Variants in CSMD3 observed in about 807,000 individuals in gnomAD.
CSMD3 encodes the protein CUB and sushi domain-containing protein 3.
A neutral mutation model predicts 435.2 loss-of-function variants in CSMD3; 177 were observed. The observed-to-expected ratio is 0.41, with a 90% CI of 0.36 to 0.46. CSMD3 has a LOEUF of 0.46. Ranked by LOEUF, CSMD3 falls within the 20% of genes least tolerant of loss-of-function variation. CSMD3 has a pLI of 0.34. For synonymous variants in CSMD3, 1,656 were observed against 1,520.5 expected (o/e 1.09, Z -2.07); for missense variants, 4,265 against 4,504.6 (o/e 0.95, Z 1.52).
intron 32 of CSMD3, among the ~76,000 whole-genome samples, chr8:112,433,150 C>A (rs1391173274): frequency 6.6e-6 from 1 of 151,968 alleles, no homozygotes; most frequent in Non-Finnish European, 1.5e-5. Flanking sequence ...GAAAGCAATG[C>A]TATCATTGTT....
chr8:112,273,010 T>C (rs964555998), intron 59 of CSMD3, among the ~76,000 whole-genome samples: 2 of 152,216 alleles, frequency 1.3e-5, no homozygotes, highest in African/African-American at 4.8e-5. Flanking sequence ...AATTATTTTA[T>C]GCAATACGAT....
At chr8:113,366,545 C>T (rs1025353846) in intron 1 of CSMD3, among the ~76,000 whole-genome samples, 10 of 151,968 alleles carry the variant, frequency 6.6e-5, no homozygotes, top group Non-Finnish European at 1.2e-4. Context: ...CTTCCAACAC[C>T]GCCAGTGATT....
chr8:112,724,081 C>T (rs1287327967), intron 13 of CSMD3, among the ~76,000 whole-genome samples: 2 of 151,624 alleles, frequency 1.3e-5, no homozygotes, highest in East Asian at 1.9e-4. Context: ...GTAATAAGTG[C>T]TATGGATGAA....
intron 31 of CSMD3, among the ~76,000 whole-genome samples, chr8:112,477,300 G>C (rs1433370675): frequency 2.6e-5 from 4 of 152,066 alleles, no homozygotes; most frequent in Non-Finnish European, 4.4e-5. Flanking sequence ...TTAAACATTA[G>C]AAATATATCC....
At chr8:112,345,834 A>T (rs1290506102) in intron 41 of CSMD3, among the ~76,000 whole-genome samples, 1 of 151,420 alleles carries the variant, frequency 6.6e-6, no homozygotes, top group Admixed American at 6.6e-5. Context: ...TACAATTTTT[A>T]TTTGTCAATT....
intron 32 of CSMD3, among the ~76,000 whole-genome samples, chr8:112,461,873 C>T (rs1406060907): frequency 6.6e-6 from 1 of 152,258 alleles, no homozygotes; most frequent in East Asian, 1.9e-4. Flanking sequence ...AATCCATGTA[C>T]TTCTGTAAGC....
intron 10 of CSMD3, among the ~76,000 whole-genome samples, chr8:112,912,483 A>G (rs2082451325): frequency 6.6e-6 from 1 of 151,928 alleles, no homozygotes; most frequent in Admixed American, 6.6e-5. Flanking sequence ...GTTTCAATTA[A>G]TGGTACTGGG....
intron 6 of CSMD3, among the ~76,000 whole-genome samples, chr8:112,992,128 G>C (rs1159929053): frequency 6.6e-6 from 1 of 151,744 alleles, no homozygotes; most frequent in South Asian, 2.1e-4. Context: ...TGAGAATAAA[G>C]AATTTAATTG....
At chr8:113,088,409 A>T in intron 5 of CSMD3, among the ~76,000 whole-genome samples, 2 of 146,476 alleles carry the variant, frequency 1.4e-5, no homozygotes, top group African/African-American at 2.6e-5. Flanking sequence ...ACACATGCAC[A>T]CGTATGTTTA....
At chr8:113,259,716 A>G (rs548885995) in intron 3 of CSMD3, among the ~76,000 whole-genome samples, 1 of 152,174 alleles carries the variant, frequency 6.6e-6, no homozygotes, top group African/African-American at 2.4e-5. Context: ...AGGGAAAGCT[A>G]TGAAAATGCT....
intron 1 of CSMD3, among the ~76,000 whole-genome samples, chr8:113,429,573 A>G (rs1221316438): frequency 1.3e-5 from 2 of 152,078 alleles, no homozygotes; most frequent in African/African-American, 2.4e-5. Context: ...TTTTCACTCC[A>G]TAATTATCTC....
chr8:112,401,743 AT>A (rs1220322988), intron 35 of CSMD3, among the ~76,000 whole-genome samples: 1 of 152,104 alleles, frequency 6.6e-6, no homozygotes, highest in Non-Finnish European at 1.5e-5. Context: ...AAATCAACAC[AT>A]TTTTCCTAAA....
chr8:113,087,406 C>A (rs1411762214), intron 5 of CSMD3, among the ~76,000 whole-genome samples: 1 of 152,124 alleles, frequency 6.6e-6, no homozygotes, highest in Non-Finnish European at 1.5e-5. Flanking sequence ...CCAAGTCAAT[C>A]CTAAGCCAAA....
intron 6 of CSMD3, among the ~76,000 whole-genome samples, chr8:113,002,162 A>G (rs902521796): frequency 6.6e-6 from 1 of 152,100 alleles, no homozygotes; most frequent in Non-Finnish European, 1.5e-5. Context: ...ACAATGTGCA[A>G]ATTTCCTCGT....
At chr8:112,404,491 G>A (rs1202243702) in intron 35 of CSMD3, among the ~76,000 whole-genome samples, 1 of 151,298 alleles carries the variant, frequency 6.6e-6, no homozygotes, top group African/African-American at 2.4e-5. Context: ...TCATGCCATT[G>A]CACTCCAGCC....
chr8:113,195,810 T>TACACACAC (rs1220655144), intron 3 of CSMD3, among the ~76,000 whole-genome samples: 2 of 141,714 alleles, frequency 1.4e-5, no homozygotes, highest in African/African-American at 5.3e-5. Context: ...TATATATATA[T>TACACACAC]ATATACACAC....
intron 12 of CSMD3, among the ~76,000 whole-genome samples, chr8:112,821,142 A>T (rs1367931741): frequency 1.3e-5 from 2 of 152,184 alleles, no homozygotes; most frequent in African/African-American, 4.8e-5. Context: ...ATATAGAATG[A>T]TTTATATTCC....
chr8:113,364,699 T>C (rs1460545745), intron 1 of CSMD3, among the ~76,000 whole-genome samples: 1 of 152,074 alleles, frequency 6.6e-6, no homozygotes, highest in Non-Finnish European at 1.5e-5. Flanking sequence ...GATCTAAAAT[T>C]TACCATGTCA....
In CSMD3 at chr8:112,451,124, A is replaced by G. The variant is rs1281621273; in HGVS notation, c.5395+21467T>C. ...TAGCAAACAAAAATACTTAAAATAC[A>G]GGTAGCTACAAATTTAAATATAAAT... On this transcript the variant is annotated intron_variant, in intron 32 of 70. Transcript: ENST00000297405. Among the ~76,000 whole-genome samples the G allele has an allele frequency of 2.0e-5, 3 of 152,314 alleles. No homozygotes were observed. The East Asian group carries it at 5.8e-4, about 29-fold the overall frequency.
Sources: gnomAD v4.1 joint callset for allele counts (sites outside exome capture counted in the v4.1 genomes callset) on GRCh38, gnomAD v4.1.1 for gene constraint, MANE v1.5 for transcripts, NCBI Gene and HGNC (gene_info 2026-07-23, HGNC 2026-07-21) for gene names.